Variants in KIF1A observed in about 807,000 individuals in gnomAD.
The protein encoded by KIF1A is kinesin-like protein KIF1A.
KIF1A carries 46 observed loss-of-function variants against 227.3 expected under a neutral mutation model. That is an observed-to-expected ratio of 0.20 (90% CI 0.16 to 0.26). KIF1A has a LOEUF of 0.26. Among genes scored for constraint, KIF1A ranks in the 10% least tolerant of loss-of-function variants. The pLI is 1.00. For synonymous variants in KIF1A, 1,022 were observed against 1,012.8 expected (o/e 1.01, Z -0.17); for missense variants, 1,683 against 2,485.9 (o/e 0.68, Z 6.87).
rs970032805 is a variant in KIF1A at position 240,720,863 on chromosome 2, T to C, written c.4868+51A>G. On this transcript the variant is annotated intron_variant, in intron 45 of 48. Transcript: ENST00000498729. ...TGTGCCCGAGTCACGGCCATGGTCATGGGTCAGCCGTGGTGCCAGAAGCCA... is the reference window on the plus strand; with the variant it reads ...TGTGCCCGAGTCACGGCCATGGTCACGGGTCAGCCGTGGTGCCAGAAGCCA... 2.4e-5 allele frequency: 36 copies of C among 1,502,062 alleles called. No homozygotes were observed. The African/African-American group carries it at 2.9e-4, about 12-fold the overall frequency. The allele number at this position is 1,502,062 out of a possible 1,614,324, so 93.0% of individuals were successfully genotyped here. A position where few individuals can be genotyped will look rare whatever the true frequency, so the allele number is the denominator to read the frequency against.
intron 10 of KIF1A, chr2:240,782,112 G>A (rs2054113643): frequency 3.0e-6 from 3 of 985,194 alleles, no homozygotes; most frequent in African/African-American, 1.7e-5. Context: ...AGTCCCCAGC[G>A]TCGCCCCAGG....
chr2:240,783,131 G>A, intron 8 of KIF1A, 22 bp from the exon 9 acceptor site: 1 of 1,605,682 alleles, frequency 6.2e-7, no homozygotes, highest in Non-Finnish European at 8.5e-7. Flanking sequence ...AAAGACAGTG[G>A]GGTTGGGATG....
At chr2:240,750,266 T>G (rs1291477328) in intron 28 of KIF1A, among the ~76,000 whole-genome samples, 163 bp downstream of exon 28, 1 of 152,008 alleles carries the variant, frequency 6.6e-6, no homozygotes, top group African/African-American at 2.4e-5. Context: ...GAAAAACAGC[T>G]TCAGGTTGAC....
Position 240,759,144 on chromosome 2 carries a change from AGTGTGT to A in KIF1A, c.2445-653_2445-648del, listed in dbSNP as rs35848053. 4.9e-3 allele frequency among the ~76,000 whole-genome samples: 724 copies of A among 148,704 alleles called. 7 individuals carry two copies. Among genetic ancestry groups the A allele is most frequent in the African/African-American group, 0.014 (551 of 39,740 alleles). On this transcript the variant is annotated intron_variant, in intron 25 of 48. Transcript: ENST00000498729. The stretch of plus-strand genomic sequence containing the variant: ...GTGCACATCTTCATGAATGCTTATG[AGTGTGT>A]GTGTGTGTGTGTGTGTGTTTGCATG...
upstream of KIF1A, chr2:240,820,457 G>C (rs1454917163): frequency 6.6e-6 from 1 of 151,080 alleles, no homozygotes; most frequent in African/African-American, 2.4e-5. The surrounding 1 kb of genome is among the most constrained non-coding windows in gnomAD (Gnocchi z 6.2). Context: ...GTGGGGGACC[G>C]ACACCCGGCT....
chr2:240,769,021 G>T lies in KIF1A; in HGVS notation c.1497+112C>A, dbSNP rs2051576391. 4 of 915,214 alleles carry T rather than the reference G, an allele frequency of 4.4e-6. No homozygotes were observed. The East Asian group carries it at 1.1e-4, about 24-fold the overall frequency. 56.7% of individuals were successfully genotyped at this position (915,214 alleles called of 1,614,324 possible). A position where few individuals can be genotyped will look rare whatever the true frequency, so the allele number is the denominator to read the frequency against. On this transcript the variant is annotated intron_variant, in intron 17 of 48. Transcript: ENST00000498729. ...TCACAGCCCCAGTGCCTGGGCCAGA[G>T]CCCCACCGTGCTCCCCTACTTCCAG...
chr2:240,755,922 C>T (rs2125858417), intron 27 of KIF1A, among the ~76,000 whole-genome samples: 1 of 152,054 alleles, frequency 6.6e-6, no homozygotes, highest in South Asian at 2.1e-4. Context: ...TCCACTGCTC[C>T]CTCTTGGGCC....
At chr2:240,738,574 A>G (rs1255635857) in intron 37 of KIF1A, among the ~76,000 whole-genome samples, 1 of 152,162 alleles carries the variant, frequency 6.6e-6, no homozygotes, top group African/African-American at 2.4e-5. Context: ...CCTGAGTCCA[A>G]TCACAGGGCT....
Position 240,740,435 on chromosome 2 carries a change from G to GTGGAC in KIF1A, c.3750-76_3750-72dup. On this transcript the variant is annotated intron_variant, in intron 35 of 48. Transcript: ENST00000498729. The surrounding 1 kb of genome is among the most constrained non-coding windows in gnomAD (Gnocchi z 6.1). ...TGCCCTCCCCGCAGCACAGGACACAGTGGACGGGAGCAAAAACAGGGAAAA... is the reference window on the plus strand; with the variant it reads ...TGCCCTCCCCGCAGCACAGGACACAGTGGACTGGACGGGAGCAAAAACAGGGAAAA... 1 of 1,306,280 alleles carries GTGGAC rather than the reference G, an allele frequency of 7.7e-7. No homozygotes were observed. The highest frequency in any genetic ancestry group is 1.1e-6 in the Non-Finnish European group (1 of 907,798). The allele number at this position is 1,306,280 out of a possible 1,614,324, so 80.9% of individuals were successfully genotyped here.
intron 38 of KIF1A, among the ~76,000 whole-genome samples, chr2:240,733,074 C>G (rs2046939769): frequency 6.6e-6 from 1 of 151,472 alleles, no homozygotes; most frequent in African/African-American, 2.4e-5. Flanking sequence ...GCTTCCTGGC[C>G]AGGCTCTGAC....
intron 20 of KIF1A, among the ~76,000 whole-genome samples, chr2:240,763,645 C>A (rs537670497): frequency 6.6e-6 from 1 of 152,214 alleles, no homozygotes; most frequent in Non-Finnish European, 1.5e-5. Context: ...TACTTGCCTC[C>A]TGCCCCCAAG....
In KIF1A at chr2:240,719,807, A is replaced by G. The variant is rs2045070179; in HGVS notation, c.4988T>C (p.Leu1663Pro). 6.2e-7 allele frequency: 1 copy of G among 1,604,794 alleles called. No individual in the cohort carries two copies. Among genetic ancestry groups the G allele is most frequent in the African/African-American group, 1.3e-5 (1 of 74,594 alleles). ...ATETDKEPQRLLVPDIQEIRV... is the reference protein window; with the variant it reads ...ATETDKEPQRPLVPDIQEIRV... Reference sequence around the variant, plus strand: ...GATCTCCTGGATGTCAGGGACCAGCAGGCGCTGGGGCTCCTTGTCTGTCTC... The same window carrying G: ...GATCTCCTGGATGTCAGGGACCAGCGGGCGCTGGGGCTCCTTGTCTGTCTC... The change falls in exon 46 of 49, where the codon CTG becomes CCG. Residue 1663 changes from leucine to proline, a missense_variant. Transcript: ENST00000498729.
intron 5 of KIF1A, 43 bp downstream of exon 5, chr2:240,787,208 C>T (rs762279069): frequency 3.3e-6 from 5 of 1,518,672 alleles, no homozygotes; most frequent in South Asian, 1.1e-5. Flanking sequence ...ACACCAGATT[C>T]CCAGCCCTGC....
chr2:240,802,626 G>A (rs903131486), intron 1 of KIF1A, among the ~76,000 whole-genome samples: 7 of 152,180 alleles, frequency 4.6e-5, no homozygotes, highest in Admixed American at 2.0e-4. Context: ...AATATATATC[G>A]TACACATTAT....
At position 240,789,584 on chromosome 2, in the gene KIF1A, C is replaced by T. The variant is rs1477310508; in HGVS notation, c.107-272G>A. Among the ~76,000 whole-genome samples the T allele has an allele frequency of 6.6e-6, 1 of 152,156 alleles. No individual in the cohort carries two copies. Among genetic ancestry groups the T allele is most frequent in the Non-Finnish European group, 1.5e-5 (1 of 68,006 alleles). ...TCATTCTCCCGCCAAATGCAACTGG[C>T]TCCCCTCAAAGGCAGCCACCCGGGG... On this transcript the variant is annotated intron_variant, in intron 2 of 48. Coordinates refer to ENST00000498729, the MANE Select transcript of KIF1A (RefSeq NM_001244008.2). This position sits in a 1 kb window ranked among gnomAD's most constrained non-coding sequence, Gnocchi z 4.8.
intron 1 of KIF1A, among the ~76,000 whole-genome samples, chr2:240,813,066 G>A (rs900499382): frequency 4.0e-5 from 6 of 150,600 alleles, no homozygotes; most frequent in Admixed American, 2.0e-4. Flanking sequence ...CAAGTGGCCC[G>A]CCATGTGCAC....
rs572537873 is a variant in KIF1A at position 240,774,264 on chromosome 2, G to A, written c.959-3C>T. 8.7e-6 allele frequency: 14 copies of A among 1,607,078 alleles called. No homozygotes were observed. The African/African-American group carries it at 1.6e-4, about 18-fold the overall frequency. On this transcript the variant is annotated splice_polypyrimidine_tract_variant and splice_region_variant and intron_variant, in intron 11 of 48. Coordinates refer to ENST00000498729, the MANE Select transcript of KIF1A (RefSeq NM_001244008.2). ...CATAGCTGTCCTTGAGTTACCGCCT[G>A]TGGGAAGAAGACCAGGTTGTGCCCA...
Position 240,742,775 on chromosome 2 carries a change from CG to C in KIF1A, c.3640+153del, listed in dbSNP as rs1300013433. Among the ~76,000 whole-genome samples, 5 of 152,202 alleles carry C rather than the reference CG, an allele frequency of 3.3e-5. No individual in the cohort carries two copies. In the East Asian group the frequency reaches 9.6e-4, roughly 29 times the overall value. ...GCAGACCCTTGCTCCATGGGGACCCCGTGAGGCCTGACAGGCTCAGGGTGGC... is the reference window on the plus strand; with the variant it reads ...GCAGACCCTTGCTCCATGGGGACCCCTGAGGCCTGACAGGCTCAGGGTGGC... On this transcript the variant is annotated intron_variant, in intron 34 of 48. Transcript: ENST00000498729.
rs1553632669 is a variant in KIF1A, at chr2:240,757,653, A to AGGGGAC, written c.2583-60_2583-59insGTCCCC. ...ACACCAGCGACTCGCAGGGACGAAC[A>AGGGGAC]GGGGCCGGGGCCGGGGCTGGGGGGC... is the stretch of plus-strand genomic sequence containing the variant. On this transcript the variant is annotated intron_variant, in intron 26 of 48. Transcript: ENST00000498729. This position sits in a 1 kb window ranked among gnomAD's most constrained non-coding sequence, Gnocchi z 6.2. 2 of 1,450,450 alleles carry AGGGGAC rather than the reference A, an allele frequency of 1.4e-6. No individual in the cohort carries two copies. Among genetic ancestry groups the AGGGGAC allele is most frequent in the African/African-American group, 2.8e-5 (2 of 70,480 alleles). The allele number at this position is 1,450,450 out of a possible 1,614,324, so 89.8% of individuals were successfully genotyped here. A position where few individuals can be genotyped will look rare whatever the true frequency, so the allele number is the denominator to read the frequency against.
Sources: allele counts gnomAD v4.1 joint callset (sites outside exome capture counted in the v4.1 genomes callset), GRCh38; gene constraint gnomAD v4.1.1; non-coding constraint Gnocchi (gnomAD v3.1); transcripts MANE v1.5; gene names NCBI Gene and HGNC (gene_info 2026-07-23, HGNC 2026-07-21).